TET2: variants seen among roughly 807,000 people sequenced by gnomAD.
The protein encoded by TET2 is methylcytosine dioxygenase TET2.
TET2 carries 299 observed loss-of-function variants against 142.9 expected under a neutral mutation model. The ratio of observed to expected loss-of-function variants is 2.09; its 90% CI spans 1.90 to 2.30. The LOEUF is 2.30. TET2 is among the 30% of genes most tolerant of loss of function. The pLI, the probability that TET2 is intolerant of heterozygous loss-of-function variation, is 0.00. For synonymous variants in TET2, 819 were observed against 849.0 expected (o/e 0.96, Z 0.61); for missense variants, 2,418 against 2,378.0 (o/e 1.02, Z -0.35).
At position 105,276,097 on chromosome 4, in the gene TET2, G is replaced by T; in HGVS notation, c.5587G>T (p.Ala1863Ser). ...TCTGGATCCTGACATTGGGGGAGTGGCCGTGGCTCCAACTCATGGGTCAAT... is the reference window on the plus strand; with the variant it reads ...TCTGGATCCTGACATTGGGGGAGTGTCCGTGGCTCCAACTCATGGGTCAAT... ...SFLDPDIGGV[A>S]VAPTHGSILI... Residue 1863 changes from alanine (A) to serine (S), a missense_variant, in exon 11 of 11, where the codon GCC becomes TCC. By Grantham distance (99) the Ala-to-Ser change is moderately conservative. Transcript: ENST00000380013. 1 of 1,551,650 alleles carries T rather than the reference G, an allele frequency of 6.4e-7. No individual in the cohort carries two copies. Among genetic ancestry groups the T allele is most frequent in the Non-Finnish European group, 8.7e-7 (1 of 1,146,980 alleles).
intron 6 of TET2, among the ~76,000 whole-genome samples, chr4:105,257,522 T>C (rs1238702700): frequency 3.3e-5 from 5 of 152,154 alleles, no homozygotes; most frequent in Admixed American, 3.3e-4. Context: ...GGGGTCTGTA[T>C]GTGTGTTGGG....
intron 6 of TET2, among the ~76,000 whole-genome samples, chr4:105,244,465 C>G (rs1729474104): frequency 1.3e-5 from 2 of 151,910 alleles, no homozygotes; most frequent in African/African-American, 4.8e-5. Flanking sequence ...ACACCATCCA[C>G]TTTGCATGAA....
At chr4:105,199,958 G>A (rs919824408) in intron 2 of TET2, among the ~76,000 whole-genome samples, 3 of 152,044 alleles carry the variant, frequency 2.0e-5, no homozygotes, top group Admixed American at 6.6e-5. Flanking sequence ...GGGCATTTAG[G>A]TTGATTCCAT....
chr4:105,279,686 T>C lies in TET2; in HGVS notation c.*3167T>C, dbSNP rs981079203. On this transcript the variant is annotated 3_prime_UTR_variant, in exon 11 of 11. Transcript: ENST00000380013. ...AAGATCTGAGGATGGTTATAAATAC[T>C]GTAAGTATTGTAATGTTATGAATGC... 1 of 229,736 alleles carries C rather than the reference T, an allele frequency of 4.4e-6. No individual in the cohort carries two copies. Among genetic ancestry groups the C allele is most frequent in the Non-Finnish European group, 8.6e-6 (1 of 115,922 alleles). The allele number at this position is 229,736 out of a possible 1,614,324, so 14.2% of individuals were successfully genotyped here.
chr4:105,173,297 A>C (rs2110423676), intron 1 of TET2, among the ~76,000 whole-genome samples: 1 of 151,488 alleles, frequency 6.6e-6, no homozygotes, highest in Middle Eastern at 3.4e-3. Flanking sequence ...AGGTGGGCAG[A>C]TCACGAGCTC....
intron 1 of TET2, among the ~76,000 whole-genome samples, chr4:105,165,420 G>A (rs1311011827): frequency 6.6e-6 from 1 of 152,134 alleles, no homozygotes; most frequent in Non-Finnish European, 1.5e-5. Context: ...GTGCTAATCA[G>A]GAGCTTCCTG....
intron 6 of TET2, among the ~76,000 whole-genome samples, chr4:105,249,001 CTTTTTTT>C (rs60525299): frequency 7.6e-6 from 1 of 131,784 alleles, no homozygotes; most frequent in Non-Finnish European, 1.6e-5. Flanking sequence ...TTTTCTTTTT[CTTTTTTT>C]TTTTTTTGTC....
At chr4:105,259,595 G>T in intron 6 of TET2, 24 bp from the exon 7 acceptor site, 1 of 1,549,508 alleles carries the variant, frequency 6.5e-7, no homozygotes, top group Non-Finnish European at 8.7e-7. Context: ...CCATAGCAAT[G>T]AATTTGGTCT....
At chr4:105,157,947 G>T (rs2110365605) in intron 1 of TET2, among the ~76,000 whole-genome samples, 1 of 152,260 alleles carries the variant, frequency 6.6e-6, no homozygotes, top group African/African-American at 2.4e-5. Context: ...AAAGTGCTGG[G>T]ATTACAGGCA....
At chr4:105,219,508 C>A (rs1047933288) in intron 2 of TET2, among the ~76,000 whole-genome samples, 1 of 152,064 alleles carries the variant, frequency 6.6e-6, no homozygotes, top group African/African-American at 2.4e-5. Flanking sequence ...ATTCCTGGTA[C>A]AGAGTTTTTA....
intron 2 of TET2, among the ~76,000 whole-genome samples, chr4:105,195,306 C>T (rs1726019253): frequency 1.3e-5 from 2 of 152,110 alleles, no homozygotes; most frequent in African/African-American, 2.4e-5. Context: ...GCACTAAAAA[C>T]GTTTATTCAT....
chr4:105,233,760 T>C (rs1728649371), intron 2 of TET2, 137 bp from the exon 3 acceptor site: 1 of 541,272 alleles, frequency 1.8e-6, no homozygotes, highest in Non-Finnish European at 3.1e-6. Flanking sequence ...AACATGAAAA[T>C]AAATATCAGT....
intron 10 of TET2, 82 bp downstream of exon 10, chr4:105,273,000 C>A: frequency 8.8e-7 from 1 of 1,140,410 alleles, no homozygotes; most frequent in Non-Finnish European, 1.2e-6. Context: ...TTGCCCCCAT[C>A]AACTTGTAAG....
intron 2 of TET2, among the ~76,000 whole-genome samples, chr4:105,227,242 A>G (rs1025101916): frequency 2.0e-5 from 3 of 152,202 alleles, no homozygotes; most frequent in Non-Finnish European, 4.4e-5. Context: ...TGGGTAAACA[A>G]TTAGTCACTC....
At chr4:105,261,967 T>G in intron 8 of TET2, 119 bp downstream of exon 8, 1 of 664,588 alleles carries the variant, frequency 1.5e-6, no homozygotes, top group Non-Finnish European at 2.6e-6. Flanking sequence ...TCCTCTTAAT[T>G]GTTGAAACCA....
intron 1 of TET2, among the ~76,000 whole-genome samples, chr4:105,152,762 A>C (rs1175096803): frequency 6.6e-6 from 1 of 151,810 alleles, no homozygotes; most frequent in African/African-American, 2.4e-5. Context: ...ACACCTGGCT[A>C]ATTTTTCTAT....
chr4:105,263,678 C>T (rs913881140), intron 8 of TET2, among the ~76,000 whole-genome samples: 1 of 152,184 alleles, frequency 6.6e-6, no homozygotes, highest in Admixed American at 6.5e-5. Context: ...ATTTGAGAGT[C>T]AGAATGCTGG....
chr4:105,161,501 A>C (rs1723856951), intron 1 of TET2, among the ~76,000 whole-genome samples: 1 of 152,208 alleles, frequency 6.6e-6, no homozygotes, highest in South Asian at 2.1e-4. Context: ...ATTACTTATG[A>C]GTATACTTTT....
At chr4:105,229,102 G>A (rs1728344818) in intron 2 of TET2, among the ~76,000 whole-genome samples, 1 of 151,978 alleles carries the variant, frequency 6.6e-6, no homozygotes, top group South Asian at 2.1e-4. Context: ...GTATTTTTGT[G>A]TTTTTTTAAC....
Sources: allele counts gnomAD v4.1 joint callset (sites outside exome capture counted in the v4.1 genomes callset), GRCh38; gene constraint gnomAD v4.1.1; transcripts MANE v1.5; gene names NCBI Gene and HGNC (gene_info 2026-07-23, HGNC 2026-07-21).